Variants in ITSN1 observed in about 807,000 individuals in gnomAD.
ITSN1 encodes intersectin 1.
ITSN1 carries 58 observed loss-of-function variants against 239.8 expected under a neutral mutation model. The ratio of observed to expected loss-of-function variants is 0.24; its 90% CI spans 0.20 to 0.30. The LOEUF (loss-of-function observed/expected upper bound fraction) is 0.30, where lower values mean the gene tolerates loss of function less well. ITSN1 is among the 10% of genes least tolerant of loss of function. The pLI is 1.00. For synonymous variants in ITSN1, 780 were observed against 770.8 expected (o/e 1.01, Z -0.20); for missense variants, 1,558 against 2,103.3 (o/e 0.74, Z 5.07).
chr21:33,861,106 T>C (rs557718507), intron 31 of ITSN1, among the ~76,000 whole-genome samples: 3 of 152,342 alleles, frequency 2.0e-5, no homozygotes, highest in Non-Finnish European at 4.4e-5. Flanking sequence ...CTTTTTCTTC[T>C]TTTCTGCATT....
rs79748536 is a variant in ITSN1 at position 33,853,170 on chromosome 21, T to G, written c.3662-3566T>G. Among the ~76,000 whole-genome samples the G allele has an allele frequency of 4.7e-3, 722 of 152,308 alleles. 7 individuals carry two copies. The highest frequency in any genetic ancestry group is 0.016 in the African/African-American group (678 of 41,566). On this transcript the variant is annotated intron_variant, in intron 29 of 39. Transcript: ENST00000381318. ...AAAGAAGACTCTCCCCACAAAACTTTTGCTTTTCATTGTGTTCTGCAGTGG... is the reference window on the plus strand; with the variant it reads ...AAAGAAGACTCTCCCCACAAAACTTGTGCTTTTCATTGTGTTCTGCAGTGG...
intron 1 of ITSN1, among the ~76,000 whole-genome samples, chr21:33,710,320 C>T (rs1315661841): frequency 1.3e-5 from 2 of 151,536 alleles, no homozygotes; most frequent in African/African-American, 2.4e-5. Flanking sequence ...CCTCGTGAAC[C>T]GCCCGTCCCA....
At chr21:33,804,896 G>A (rs2072294997) in intron 20 of ITSN1, among the ~76,000 whole-genome samples, 1 of 152,180 alleles carries the variant, frequency 6.6e-6, no homozygotes, top group South Asian at 2.1e-4. Flanking sequence ...TTTTAAGAAA[G>A]CTTACGAATT....
intron 3 of ITSN1, 75 bp downstream of exon 3, chr21:33,721,345 A>G: frequency 2.1e-6 from 2 of 933,612 alleles, no homozygotes; most frequent in Non-Finnish European, 3.5e-6. Flanking sequence ...TCATGCAAAG[A>G]CGAGATGGGC....
chr21:33,713,469 G>C (rs946162523), intron 1 of ITSN1, among the ~76,000 whole-genome samples: 3 of 151,596 alleles, frequency 2.0e-5, no homozygotes, highest in African/African-American at 7.3e-5. Flanking sequence ...GTCTCAATCT[G>C]CTGACCTCAT....
chr21:33,771,685 C>T (rs567173418), intron 11 of ITSN1, among the ~76,000 whole-genome samples: 1 of 152,152 alleles, frequency 6.6e-6, no homozygotes, highest in South Asian at 2.1e-4. Context: ...GACTCATCAG[C>T]ACGGTTACAA....
intron 8 of ITSN1, among the ~76,000 whole-genome samples, chr21:33,760,972 T>G (rs900962469): frequency 4.6e-5 from 7 of 152,142 alleles, no homozygotes; most frequent in Admixed American, 3.3e-4. Flanking sequence ...AGTGAAGATG[T>G]TTATGATTAT....
intron 1 of ITSN1, among the ~76,000 whole-genome samples, chr21:33,697,078 G>C (rs1476397162): frequency 1.3e-5 from 2 of 150,094 alleles, no homozygotes; most frequent in Admixed American, 6.7e-5. Context: ...ACAACTTTTA[G>C]ATTGTCTCTT....
chr21:33,825,491 A>T (rs1285342932), intron 25 of ITSN1, among the ~76,000 whole-genome samples: 1 of 152,158 alleles, frequency 6.6e-6, no homozygotes, highest in African/African-American at 2.4e-5. Flanking sequence ...CCTTCTCTGT[A>T]TGGGCAGGTC....
At chr21:33,824,591 C>A (rs1250654115) in intron 25 of ITSN1, among the ~76,000 whole-genome samples, 1 of 152,172 alleles carries the variant, frequency 6.6e-6, no homozygotes, top group East Asian at 1.9e-4. Flanking sequence ...CTCTCTCTTT[C>A]AAATGCCAGT....
intron 35 of ITSN1, 135 bp from the exon 36 acceptor site, chr21:33,883,415 G>A (rs896122432): frequency 1.7e-6 from 2 of 1,175,698 alleles, no homozygotes; most frequent in South Asian, 1.4e-5. Context: ...ACACACGCAC[G>A]AGTGTGCACA....
At chr21:33,837,548 G>C in intron 29 of ITSN1, 1 of 985,880 alleles carries the variant, frequency 1.0e-6, no homozygotes, top group Non-Finnish European at 1.2e-6. Flanking sequence ...TAGAAGTGCA[G>C]AGGAGTTCAG....
intron 1 of ITSN1, among the ~76,000 whole-genome samples, chr21:33,702,343 C>T (rs2092062928): frequency 6.6e-6 from 1 of 152,066 alleles, no homozygotes; most frequent in Admixed American, 6.5e-5. Flanking sequence ...TCTCGAACAC[C>T]TGACCTCAGG....
At position 33,818,049 on chromosome 21, in the gene ITSN1, G is replaced by A. The variant is rs527389864; in HGVS notation, c.2728-218G>A. ...TTCTAGATGGTCAGACAATGACTTT[G>A]TGAAGAGGCTGGAAGGCTTTGGCCT... is the stretch of plus-strand genomic sequence containing the variant. On this transcript the variant is annotated intron_variant, in intron 22 of 39. Coordinates refer to ENST00000381318, the MANE Select transcript of ITSN1 (RefSeq NM_003024.3). 9.9e-5 allele frequency: 57 copies of A among 575,416 alleles called. No individual in the cohort carries two copies. The South Asian group carries it at 1.3e-3, about 13-fold the overall frequency. The allele number at this position is 575,416 out of a possible 1,614,324, so 35.6% of individuals were successfully genotyped here. A position where few individuals can be genotyped will look rare whatever the true frequency, so the allele number is the denominator to read the frequency against.
intron 5 of ITSN1, among the ~76,000 whole-genome samples, chr21:33,749,860 A>G (rs889949892): frequency 7.9e-5 from 12 of 151,902 alleles, no homozygotes; most frequent in Non-Finnish European, 1.8e-4. Flanking sequence ...ATCATTTTGA[A>G]CTCATGGATT....
chr21:33,874,384 C>A (rs1011620058), intron 33 of ITSN1, among the ~76,000 whole-genome samples: 4 of 152,128 alleles, frequency 2.6e-5, no homozygotes, highest in African/African-American at 9.7e-5. Context: ...GCTGCAGCCA[C>A]CGCTCCTCTT....
At chr21:33,792,707 G>A (rs908654587) in intron 16 of ITSN1, among the ~76,000 whole-genome samples, 4 of 152,096 alleles carry the variant, frequency 2.6e-5, no homozygotes, top group African/African-American at 9.7e-5. Context: ...CTGCATCATT[G>A]CTTTCCAGTC....
At chr21:33,820,271 T>C (rs941603854) in intron 24 of ITSN1, among the ~76,000 whole-genome samples, 2 of 152,230 alleles carry the variant, frequency 1.3e-5, no homozygotes, top group Non-Finnish European at 2.9e-5. Context: ...GCCCTCATGG[T>C]AAAAATCTCA....
At chr21:33,872,227 A>C (rs1472844988) in intron 33 of ITSN1, among the ~76,000 whole-genome samples, 1 of 152,248 alleles carries the variant, frequency 6.6e-6, no homozygotes, top group Non-Finnish European at 1.5e-5. Context: ...TCAAACTATA[A>C]TTCCTCTTTG....
Sources: gnomAD v4.1 joint callset for allele counts (sites outside exome capture counted in the v4.1 genomes callset) on GRCh38, gnomAD v4.1.1 for gene constraint, MANE v1.5 for transcripts, NCBI Gene and HGNC (gene_info 2026-07-23, HGNC 2026-07-21) for gene names.